NCS1: variants seen among roughly 807,000 people sequenced by gnomAD.
NCS1 encodes neuronal calcium sensor 1.
A neutral mutation model predicts 28.4 loss-of-function variants in NCS1; 6 were observed. The observed-to-expected ratio is 0.21, with a 90% CI of 0.12 to 0.42. The LOEUF (loss-of-function observed/expected upper bound fraction) is 0.42, where lower values mean the gene tolerates loss of function less well. NCS1 is among the 10% of genes least tolerant of loss of function. NCS1 has a pLI of 1.00. For synonymous variants in NCS1, 86 were observed against 99.3 expected (o/e 0.87, Z 0.79); for missense variants, 131 against 241.4 (o/e 0.54, Z 3.03).
At chr9:130,198,394 C>A (rs547188862) in intron 1 of NCS1, among the ~76,000 whole-genome samples, 78 of 152,318 alleles carry the variant, frequency 5.1e-4, no homozygotes, top group Admixed American at 1.2e-3. Context: ...TGAGGCCCGC[C>A]TGAGACAGTG....
intron 6 of NCS1, among the ~76,000 whole-genome samples, chr9:130,224,190 C>T (rs1315378095): frequency 1.4e-5 from 2 of 147,940 alleles, no homozygotes; most frequent in Non-Finnish European, 1.5e-5. Flanking sequence ...TGTGGTGGCT[C>T]ACACCTGTAA....
chr9:130,220,665 G>T (rs1316552254), intron 4 of NCS1, among the ~76,000 whole-genome samples: 1 of 152,106 alleles, frequency 6.6e-6, no homozygotes, highest in African/African-American at 2.4e-5. Context: ...AAACCAGCTG[G>T]CCAGAACTCC....
intron 2 of NCS1, among the ~76,000 whole-genome samples, chr9:130,216,758 C>T (rs1833195890): frequency 1.3e-5 from 2 of 151,414 alleles, no homozygotes; most frequent in Admixed American, 6.6e-5. Flanking sequence ...CTTCTCAGGG[C>T]CATTAGGGGC....
rs938721194 is a variant in NCS1 at position 130,184,057 on chromosome 9, G to A, written c.64+11330G>A. On this transcript the variant is annotated intron_variant, in intron 1 of 7. Coordinates refer to ENST00000372398, the MANE Select transcript of NCS1 (RefSeq NM_014286.4). ...GATCTCCTGACCTCATTATCCACCC[G>A]CCTCGGCCTCCCAAAGTGCTGGGAT... is the stretch of plus-strand genomic sequence containing the variant. 5.1e-4 allele frequency among the ~76,000 whole-genome samples: 78 copies of A among 151,948 alleles called. 1 individual carries two copies. Among genetic ancestry groups the A allele is most frequent in the African/African-American group, 1.8e-3 (75 of 41,346 alleles).
At chr9:130,201,441 G>A (rs2131135771) in intron 2 of NCS1, among the ~76,000 whole-genome samples, 1 of 152,274 alleles carries the variant, frequency 6.6e-6, no homozygotes, top group African/African-American at 2.4e-5. Context: ...TAGCTGCCTG[G>A]AGGGCCGTGA....
At chr9:130,176,091 A>G (rs559218857) in intron 1 of NCS1, among the ~76,000 whole-genome samples, 1 of 151,792 alleles carries the variant, frequency 6.6e-6, no homozygotes, top group African/African-American at 2.4e-5. Context: ...GGCGTGGGGT[A>G]TGTGGTCAGT....
At position 130,236,710 on chromosome 9, in the gene NCS1, C is replaced by G. The variant is rs939706157; in HGVS notation, c.*3738C>G. 1.3e-5 allele frequency: 2 copies of G among 152,394 alleles called. No homozygotes were observed. Among genetic ancestry groups the G allele is most frequent in the African/African-American group, 4.8e-5 (2 of 41,418 alleles). The allele number at this position is 152,394 out of a possible 1,614,324, so 9.4% of individuals were successfully genotyped here. A position where few individuals can be genotyped will look rare whatever the true frequency, so the allele number is the denominator to read the frequency against. Reference sequence around the variant, plus strand: ...TCTCCAGGATGGGGTAGCCCCGAGTCGCCCTCCCCAGTCTGCACATTCCCT... The same window carrying G: ...TCTCCAGGATGGGGTAGCCCCGAGTGGCCCTCCCCAGTCTGCACATTCCCT... On this transcript the variant is annotated 3_prime_UTR_variant, in exon 8 of 8. Transcript: ENST00000372398.
intron 1 of NCS1, among the ~76,000 whole-genome samples, chr9:130,195,552 T>C (rs1350254162): frequency 1.3e-5 from 2 of 152,098 alleles, no homozygotes; most frequent in African/African-American, 4.8e-5. Flanking sequence ...GCCTCCGTGG[T>C]AGCTGGGATT....
chr9:130,199,714 G>C (rs1465223135), intron 1 of NCS1, among the ~76,000 whole-genome samples: 1 of 152,218 alleles, frequency 6.6e-6, no homozygotes, highest in African/African-American at 2.4e-5. Flanking sequence ...CAGGCTCTTG[G>C]TATTTGGCAG....
At position 130,226,167 on chromosome 9, in the gene NCS1, C is replaced by G. The variant is rs1826963587; in HGVS notation, c.475-222C>G. On this transcript the variant is annotated intron_variant, in intron 6 of 7. Transcript: ENST00000372398. The surrounding 1 kb of genome is among the most constrained non-coding windows in gnomAD (Gnocchi z 4.8). ...GGAAGCCAGGTAATTACCCTCCATC[C>G]CCAGGTGAAGAAACATGCCCAGAGA... Among the ~76,000 whole-genome samples the G allele has an allele frequency of 6.6e-6, 1 of 152,350 alleles. No homozygotes were observed. Among genetic ancestry groups the G allele is most frequent in the South Asian group, 2.1e-4 (1 of 4,828 alleles).
intron 2 of NCS1, among the ~76,000 whole-genome samples, chr9:130,202,730 C>T (rs1448141210): frequency 6.6e-6 from 1 of 151,992 alleles, no homozygotes; most frequent in Non-Finnish European, 1.5e-5. Context: ...CAGGTGTGTG[C>T]CACCATGCCC....
chr9:130,188,213 G>A (rs1832765039), intron 1 of NCS1, among the ~76,000 whole-genome samples: 1 of 152,242 alleles, frequency 6.6e-6, no homozygotes, highest in African/African-American at 2.4e-5. Flanking sequence ...ATAAGGTTTT[G>A]TTCTAGTGTG....
At chr9:130,207,832 G>A (rs550845315) in intron 2 of NCS1, among the ~76,000 whole-genome samples, 1 of 152,332 alleles carries the variant, frequency 6.6e-6, no homozygotes, top group African/African-American at 2.4e-5. Flanking sequence ...TGCTGGTGCC[G>A]TTGTCTGTAT....
chr9:130,231,703 C>T (rs782461252), intron 7 of NCS1, among the ~76,000 whole-genome samples: 2 of 151,788 alleles, frequency 1.3e-5, no homozygotes, highest in Admixed American at 6.6e-5. Flanking sequence ...ATTTTTGGTT[C>T]TTTGGGTATA....
chr9:130,181,299 G>A lies in NCS1; in HGVS notation c.64+8572G>A, dbSNP rs1402889427. On this transcript the variant is annotated intron_variant, in intron 1 of 7. Coordinates refer to ENST00000372398, the MANE Select transcript of NCS1 (RefSeq NM_014286.4). This position sits in a 1 kb window ranked among gnomAD's most constrained non-coding sequence, Gnocchi z 5.0. ...ACTTCTACTACACAGAGCCGTGTGC[G>A]GGGTTAGGAATAACAGACGTTGAAC... Among the ~76,000 whole-genome samples the A allele has an allele frequency of 3.3e-5, 5 of 151,986 alleles. No individual in the cohort carries two copies. In the South Asian group the frequency reaches 6.2e-4, roughly 19 times the overall value.
intron 1 of NCS1, among the ~76,000 whole-genome samples, chr9:130,187,979 T>G (rs1832762380): frequency 1.3e-5 from 2 of 149,918 alleles, no homozygotes; most frequent in Non-Finnish European, 1.5e-5. Context: ...GGGACTAGGG[T>G]GGGGGAGGCA....
chr9:130,185,109 G>A (rs1221383333), intron 1 of NCS1, among the ~76,000 whole-genome samples: 1 of 152,054 alleles, frequency 6.6e-6, no homozygotes. Flanking sequence ...GTCCACACTC[G>A]CATCAAAGCC....
At chr9:130,173,793 A>G (rs1832525124) in intron 1 of NCS1, among the ~76,000 whole-genome samples, 1 of 152,018 alleles carries the variant, frequency 6.6e-6, no homozygotes, top group South Asian at 2.1e-4. Context: ...GAGGCTGGGG[A>G]GGCAGCTCCT....
intron 1 of NCS1, among the ~76,000 whole-genome samples, chr9:130,199,897 G>GTTCATTCATTCATTCA (rs71499223): frequency 0.02 from 3,076 of 150,606 alleles, 38 homozygotes; most frequent in East Asian, 0.037. Flanking sequence ...CTGTTCATGT[G>GTTCATTCATTCATTCA]TTCATTCATT....
Sources: gnomAD v4.1 joint callset for allele counts (sites outside exome capture counted in the v4.1 genomes callset) on GRCh38, gnomAD v4.1.1 for gene constraint, Gnocchi (gnomAD v3.1) non-coding constraint, MANE v1.5 for transcripts, NCBI Gene and HGNC (gene_info 2026-07-23, HGNC 2026-07-21) for gene names.